The following FAN1 variants were observed in gnomAD, a reference collection of about 807,000 sequenced individuals.
The protein encoded by FAN1 is fanconi-associated nuclease 1.
Under a neutral mutation model 104.9 loss-of-function variants are expected in FAN1, and 91 were observed. The observed-to-expected ratio is 0.87, with a 90% CI of 0.73 to 1.03. The LOEUF (loss-of-function observed/expected upper bound fraction) is 1.03. FAN1 is among the 50% of genes least tolerant of loss of function. The pLI, the probability that FAN1 is intolerant of heterozygous loss-of-function variation, is 0.00. For missense variants in FAN1, 1,263 were observed against 1,239.9 expected (o/e 1.02, Z -0.28); for synonymous variants, 478 against 457.6 (o/e 1.04, Z -0.57).
chr15:30,909,964 C>T (rs746240913), intron 3 of FAN1, among the ~76,000 whole-genome samples: 4 of 152,214 alleles, frequency 2.6e-5, no homozygotes, highest in African/African-American at 4.8e-5. Context: ...TTAATTGTTA[C>T]GCTGGGAGGC....
At chr15:30,939,064 A>G in intron 14 of FAN1, 3 of 985,440 alleles carry the variant, frequency 3.0e-6, no homozygotes, top group Non-Finnish European at 3.6e-6. Context: ...TTTAGGCACA[A>G]AGGTTTTAGT....
chr15:30,931,300 A>G (rs1430683723), intron 13 of FAN1, among the ~76,000 whole-genome samples: 1 of 151,914 alleles, frequency 6.6e-6, no homozygotes, highest in Non-Finnish European at 1.5e-5. Flanking sequence ...TTTTCTCATT[A>G]TTGAGTTTTG....
chr15:30,941,035 A>AAAAT, intron 14 of FAN1: 1 of 1,169,906 alleles, frequency 8.5e-7, no homozygotes, highest in Non-Finnish European at 1.1e-6. Context: ...AGTAACCAGA[A>AAAAT]AAATACATGA....
chr15:30,915,548 C>T (rs2062182210), intron 5 of FAN1, among the ~76,000 whole-genome samples: 1 of 145,630 alleles, frequency 6.9e-6, no homozygotes. Context: ...GCAGGAGGGT[C>T]ACTTGAGTCC....
At chr15:30,922,484 T>C in intron 8 of FAN1, 130 bp downstream of exon 8, 1 of 982,712 alleles carries the variant, frequency 1.0e-6, no homozygotes, top group South Asian at 1.7e-5. Flanking sequence ...ATTCTTCTTT[T>C]GTCTGTGTTC....
At chr15:30,908,921 A>G (rs1325824631) in intron 3 of FAN1, among the ~76,000 whole-genome samples, 1 of 152,176 alleles carries the variant, frequency 6.6e-6, no homozygotes, top group Admixed American at 6.5e-5. Context: ...CCTCTTCTTT[A>G]TGATAGAATA....
chr15:30,931,450 G>T (rs1174564488), intron 13 of FAN1, among the ~76,000 whole-genome samples: 3 of 152,128 alleles, frequency 2.0e-5, no homozygotes, highest in Non-Finnish European at 4.4e-5. Flanking sequence ...CAACTTATTT[G>T]TTCTCTAGTG....
chr15:30,942,017 A>G lies in FAN1; in HGVS notation c.*455A>G, dbSNP rs1298729015. On this transcript the variant is annotated 3_prime_UTR_variant, in exon 15 of 15. Transcript: ENST00000362065. ...CCTTGGAAGTAATTCTTGGTCACTGATGATTCCATTCTTTAAGGCAGACGG... is the reference window on the plus strand; with the variant it reads ...CCTTGGAAGTAATTCTTGGTCACTGGTGATTCCATTCTTTAAGGCAGACGG... The G allele has an allele frequency of 6.2e-7, 1 of 1,613,960 alleles. No individual in the cohort carries two copies.
At chr15:30,904,226 G>A (rs759090316) in intron 1 of FAN1, among the ~76,000 whole-genome samples, 51 of 152,342 alleles carry the variant, frequency 3.3e-4, no homozygotes, top group Middle Eastern at 3.4e-3. Context: ...TCATACAGTG[G>A]TCTTGTAAAG....
In FAN1 at chr15:30,941,642, C is replaced by G. The variant is rs911014162; in HGVS notation, c.*80C>G. ...CGAGGTGTCGGTGTGGTGAGGGCCG[C>G]TGGCGTTGAAGTACATCCTGCTCTG... On this transcript the variant is annotated 3_prime_UTR_variant, in exon 15 of 15. Coordinates refer to ENST00000362065, the MANE Select transcript of FAN1 (RefSeq NM_014967.5). The G allele has an allele frequency of 2.5e-6, 4 of 1,610,050 alleles. No homozygotes were observed. In the African/African-American group the frequency reaches 5.3e-5, roughly 22 times the overall value.
At chr15:30,912,862 T>C (rs1018958109) in intron 4 of FAN1, among the ~76,000 whole-genome samples, 1 of 152,174 alleles carries the variant, frequency 6.6e-6, no homozygotes, top group Non-Finnish European at 1.5e-5. Flanking sequence ...TAAATGTCAA[T>C]AGTGCTGAAG....
At chr15:30,927,358 A>C (rs527526428) in intron 10 of FAN1, 3 of 985,500 alleles carry the variant, frequency 3.0e-6, no homozygotes, top group East Asian at 2.3e-4. Context: ...TCTAGGAAGA[A>C]AAGTCCTCCT....
intron 14 of FAN1, chr15:30,940,181 G>C: frequency 7.1e-6 from 7 of 985,440 alleles, no homozygotes; most frequent in Non-Finnish European, 8.4e-6. Context: ...GGAATGAGGA[G>C]TGTGGGGGAG....
rs368417113 is a variant in FAN1, at chr15:30,908,153, C to T, written c.1270C>T (p.Arg424Cys). 20 of 1,609,930 alleles carry T rather than the reference C, an allele frequency of 1.2e-5. No individual in the cohort carries two copies. The highest frequency in any genetic ancestry group is 4.5e-5 in the South Asian group (4 of 89,654). Residue 424 changes from arginine to cysteine, a missense_variant, in exon 3 of 15, where the codon CGT (arginine) becomes TGT (cysteine). By Grantham distance (180) the Arg-to-Cys change is radical (BLOSUM62 -3). Coordinates refer to ENST00000362065, the MANE Select transcript of FAN1 (RefSeq NM_014967.5). ...GQKLYVRLFQ[R>C]KLSWIKMTKL... ...GAAGTTATATGTAAGGCTCTTTCAA[C>T]GTAAATTAAGCTGGATTAAGATGAC...
At chr15:30,935,795 A>T (rs936512701) in intron 13 of FAN1, among the ~76,000 whole-genome samples, 12 of 152,218 alleles carry the variant, frequency 7.9e-5, no homozygotes, top group Non-Finnish European at 1.8e-4. Flanking sequence ...TAAAAATATT[A>T]GTCTACTGTC....
Position 30,941,981 on chromosome 15 carries a change from A to G in FAN1, c.*419A>G, listed in dbSNP as rs2063071119. 6.2e-7 allele frequency: 1 copy of G among 1,613,884 alleles called. No individual in the cohort carries two copies. The highest frequency in any genetic ancestry group is 1.3e-5 in the African/African-American group (1 of 75,030). On this transcript the variant is annotated 3_prime_UTR_variant, in exon 15 of 15. Coordinates refer to ENST00000362065, the MANE Select transcript of FAN1 (RefSeq NM_014967.5). Reference sequence around the variant, plus strand: ...TGGATCTGGCTTTGGTTTTAATATCAATGAATTTCTCCTTGGAAGTAATTC... The same window carrying G: ...TGGATCTGGCTTTGGTTTTAATATCGATGAATTTCTCCTTGGAAGTAATTC...
intron 14 of FAN1, 32 bp from the exon 15 acceptor site, chr15:30,941,534 A>T: frequency 6.2e-7 from 1 of 1,609,828 alleles, no homozygotes; most frequent in Non-Finnish European, 8.5e-7. Flanking sequence ...AAATTTGCTT[A>T]ATGGTGTTCC....
At chr15:30,921,417 C>T (rs140287231) in intron 7 of FAN1, among the ~76,000 whole-genome samples, 2 of 152,250 alleles carry the variant, frequency 1.3e-5, no homozygotes, top group East Asian at 3.9e-4. Flanking sequence ...AGAAATTTGT[C>T]GTATCCTAAA....
chr15:30,906,052 G>A (rs2061972400), intron 2 of FAN1, among the ~76,000 whole-genome samples, 155 bp downstream of exon 2: 1 of 152,120 alleles, frequency 6.6e-6, no homozygotes, highest in African/African-American at 2.4e-5. Flanking sequence ...GAGCATAGTC[G>A]AAGGTTTTAT....
Sources: allele counts gnomAD v4.1 joint callset (sites outside exome capture counted in the v4.1 genomes callset), GRCh38; gene constraint gnomAD v4.1.1; transcripts MANE v1.5; gene names NCBI Gene and HGNC (gene_info 2026-07-23, HGNC 2026-07-21).